The following CAMTA1 variants were observed in gnomAD, a reference collection of about 807,000 sequenced individuals.
The protein encoded by CAMTA1 is calmodulin binding transcription activator 1, also known as calmodulin-binding transcription activator 1.
A neutral mutation model predicts 170.9 loss-of-function variants in CAMTA1; 27 were observed. The ratio of observed to expected loss-of-function variants is 0.16; its 90% CI spans 0.12 to 0.22. The LOEUF (loss-of-function observed/expected upper bound fraction) is 0.22. Ranked by LOEUF, CAMTA1 falls within the 10% of genes least tolerant of loss-of-function variation. The pLI is 1.00. For synonymous variants in CAMTA1, 833 were observed against 891.5 expected, an observed-to-expected ratio of 0.93 and a Z score of 1.17; for missense variants, 1,619 against 2,217.2, an observed-to-expected ratio of 0.73 and a Z score of 5.42.
chr1:7,759,420 A>T (rs1464662829), intron 22 of CAMTA1, among the ~76,000 whole-genome samples: 3 of 152,132 alleles, frequency 2.0e-5, no homozygotes, highest in African/African-American at 7.2e-5. Context: ...GCTCACTTTT[A>T]TCCCCCTTTC....
rs143057976 is a variant in CAMTA1, at chr1:7,576,856, C to T, written c.511-63544C>T. 5.0e-3 allele frequency among the ~76,000 whole-genome samples: 763 copies of T among 152,224 alleles called. 6 individuals carry two copies. The highest frequency in any genetic ancestry group is 0.017 in the African/African-American group (719 of 41,534). ...CCTGGCAGGGGTGTGCAGGATCCAC[C>T]AGAGCAGAGAGGTAGGAGGACGGGG... On this transcript the variant is annotated intron_variant, in intron 6 of 22. Transcript: ENST00000303635.
At chr1:7,385,552 A>G (rs2087857027) in intron 5 of CAMTA1, among the ~76,000 whole-genome samples, 1 of 152,142 alleles carries the variant, frequency 6.6e-6, no homozygotes, top group Admixed American at 6.5e-5. Context: ...AGGCCAGGGA[A>G]GGGCCCTTAG....
At chr1:7,535,393 G>A (rs2094537496) in intron 6 of CAMTA1, among the ~76,000 whole-genome samples, 1 of 152,154 alleles carries the variant, frequency 6.6e-6, no homozygotes, top group Non-Finnish European at 1.5e-5. Flanking sequence ...GTGTGCAGGG[G>A]CAGGCTCAAT....
chr1:6,830,524 G>A (rs1206914763), intron 3 of CAMTA1, among the ~76,000 whole-genome samples: 1 of 151,844 alleles, frequency 6.6e-6, no homozygotes, highest in Non-Finnish European at 1.5e-5. Context: ...TGTATTCTTA[G>A]TAGAGACAGG....
intron 5 of CAMTA1, among the ~76,000 whole-genome samples, chr1:7,404,343 C>T (rs1054372538): frequency 2.1e-4 from 32 of 152,360 alleles, no homozygotes; most frequent in African/African-American, 7.5e-4. Flanking sequence ...AAAGCCTCCT[C>T]CAACACCCAA....
chr1:7,617,780 G>A (rs1485329111), intron 6 of CAMTA1, among the ~76,000 whole-genome samples: 2 of 140,154 alleles, frequency 1.4e-5, no homozygotes, highest in Non-Finnish European at 3.0e-5. Context: ...ATTTGCTCTT[G>A]GGTCCCCGAT....
intron 3 of CAMTA1, among the ~76,000 whole-genome samples, chr1:6,826,206 G>A (rs1442001323): frequency 6.6e-6 from 1 of 152,142 alleles, no homozygotes; most frequent in East Asian, 1.9e-4. Flanking sequence ...GTGGATAAAA[G>A]TCTCTTTCCT....
intron 5 of CAMTA1, among the ~76,000 whole-genome samples, chr1:7,322,997 T>G: frequency 7.1e-6 from 1 of 141,422 alleles, no homozygotes; most frequent in East Asian, 2.4e-4. Context: ...CCCTTTTCCC[T>G]TCCCCTTCCC....
rs145648136 is a variant in CAMTA1 at position 7,230,044 on chromosome 1, G to A, written c.303-19447G>A. Among the ~76,000 whole-genome samples, 496 of 152,182 alleles carry A rather than the reference G, an allele frequency of 3.3e-3. 2 individuals are homozygous for A. The highest frequency in any genetic ancestry group is 0.011 in the African/African-American group (459 of 41,504). On this transcript the variant is annotated intron_variant, in intron 4 of 22. Coordinates refer to ENST00000303635, the MANE Select transcript of CAMTA1 (RefSeq NM_015215.4). ...TCACCCCAAGGAGCTCTGAGCAGCC[G>A]GAGAAGGGGCTGAGGTATGTGGGCC...
intron 3 of CAMTA1, chr1:7,008,843 A>C (rs1699384499): frequency 6.6e-6 from 1 of 152,264 alleles, no homozygotes; most frequent in African/African-American, 2.4e-5. Context: ...TAGTGAATGA[A>C]ATATTTAACC....
At chr1:7,186,887 AGGAGT>A in intron 4 of CAMTA1, among the ~76,000 whole-genome samples, 1 of 152,286 alleles carries the variant, frequency 6.6e-6, no homozygotes, top group Middle Eastern at 3.4e-3. Flanking sequence ...GGTGCAGTTC[AGGAGT>A]CTTCCCGGCG....
intron 3 of CAMTA1, among the ~76,000 whole-genome samples, chr1:7,079,182 G>A (rs1379616680): frequency 6.6e-6 from 1 of 152,178 alleles, no homozygotes; most frequent in Non-Finnish European, 1.5e-5. Flanking sequence ...TAATAGTAGG[G>A]TAACAACATT....
rs957744979 is a variant in CAMTA1, at chr1:7,325,144, T to C, written c.438+75518T>C. The stretch of plus-strand genomic sequence containing the variant: ...AATTCCACGCACTGTTCTAGGAACA[T>C]AGGAAACACAAGGAACAGAGAAGGC... On this transcript the variant is annotated intron_variant, in intron 5 of 22. Coordinates refer to ENST00000303635, the MANE Select transcript of CAMTA1 (RefSeq NM_015215.4). The surrounding 1 kb of genome is among the most constrained non-coding windows in gnomAD (Gnocchi z 5.0). 2.0e-5 allele frequency among the ~76,000 whole-genome samples: 3 copies of C among 152,126 alleles called. No homozygotes were observed. Among genetic ancestry groups the C allele is most frequent in the Non-Finnish European group, 2.9e-5 (2 of 68,018 alleles).
At chr1:7,587,164 C>T (rs1426077347) in intron 6 of CAMTA1, among the ~76,000 whole-genome samples, 1 of 152,078 alleles carries the variant, frequency 6.6e-6, no homozygotes, top group South Asian at 2.1e-4. Flanking sequence ...AGGGAAGAGG[C>T]CTCTGTGGCA....
intron 3 of CAMTA1, among the ~76,000 whole-genome samples, chr1:6,992,959 T>C (rs985511834): frequency 6.6e-6 from 1 of 152,260 alleles, no homozygotes; most frequent in Non-Finnish European, 1.5e-5. Context: ...TGTCTAGTTG[T>C]TCAGCACCAT....
chr1:6,892,771 T>G (rs998845240), intron 3 of CAMTA1, among the ~76,000 whole-genome samples: 1 of 152,064 alleles, frequency 6.6e-6, no homozygotes, highest in South Asian at 2.1e-4. Context: ...CTGAAAAATG[T>G]GGGTTCAGAG....
rs116695021 is a variant in CAMTA1, at chr1:7,178,749, T to A, written c.303-70742T>A. On this transcript the variant is annotated intron_variant, in intron 4 of 22. Transcript: ENST00000303635. ...CAAGCTGCAGAGAGCTCCCTGTAGC[T>A]GTTCTGGAGAATGAAGCCCTCCTCA... 7.3e-3 allele frequency among the ~76,000 whole-genome samples: 1,117 copies of A among 152,312 alleles called. 13 individuals are homozygous for A. The highest frequency in any genetic ancestry group is 0.025 in the African/African-American group (1,045 of 41,574).
intron 5 of CAMTA1, among the ~76,000 whole-genome samples, chr1:7,287,230 G>C (rs184006782): frequency 6.6e-6 from 1 of 152,162 alleles, no homozygotes; most frequent in Admixed American, 6.5e-5. Flanking sequence ...CAGCCAGGGG[G>C]AGACAGGGCC....
chr1:7,436,138 G>A (rs779130864), intron 5 of CAMTA1, among the ~76,000 whole-genome samples: 21 of 152,196 alleles, frequency 1.4e-4, no homozygotes, highest in Non-Finnish European at 2.5e-4. Context: ...CTCTCCCCTC[G>A]TCCCCCAGGC....
Sources: gnomAD v4.1 joint callset for allele counts (sites outside exome capture counted in the v4.1 genomes callset) on GRCh38, gnomAD v4.1.1 for gene constraint, Gnocchi (gnomAD v3.1) non-coding constraint, MANE v1.5 for transcripts, NCBI Gene and HGNC (gene_info 2026-07-23, HGNC 2026-07-21) for gene names.